The following TIAM1 variants were observed in gnomAD, a reference collection of about 807,000 sequenced individuals.
The protein encoded by TIAM1 is TIAM Rac1 associated GEF 1.
A neutral mutation model predicts 163.5 loss-of-function variants in TIAM1; 65 were observed. That is an observed-to-expected ratio of 0.40 (90% CI 0.33 to 0.49). The LOEUF (loss-of-function observed/expected upper bound fraction) is 0.49, where lower values mean the gene tolerates loss of function less well. Among genes scored for constraint, TIAM1 ranks in the 20% least tolerant of loss-of-function variants. TIAM1 has a pLI of 0.77. For missense variants in TIAM1, 1,789 were observed against 2,044.7 expected, an observed-to-expected ratio of 0.87 and a Z score of 2.41; for synonymous variants, 833 against 810.1, an observed-to-expected ratio of 1.03 and a Z score of -0.48.
chr21:31,384,079 A>G, intron 2 of TIAM1, among the ~76,000 whole-genome samples: 1 of 152,136 alleles, frequency 6.6e-6, no homozygotes, highest in East Asian at 1.9e-4. Flanking sequence ...GCTGACGACC[A>G]TATTCTTGTA....
intron 16 of TIAM1, among the ~76,000 whole-genome samples, chr21:31,163,144 T>C (rs1415156369): frequency 6.6e-6 from 1 of 152,196 alleles, no homozygotes; most frequent in Non-Finnish European, 1.5e-5. Context: ...CCAATACTTT[T>C]TAAGTGTTCA....
chr21:31,367,510 G>A (rs1338393360), intron 2 of TIAM1, among the ~76,000 whole-genome samples: 2 of 152,024 alleles, frequency 1.3e-5, no homozygotes, highest in Admixed American at 6.6e-5. Flanking sequence ...CATAGCAACT[G>A]AACTTGAATA....
At chr21:31,142,973 G>GT (rs1432790480) in intron 20 of TIAM1, among the ~76,000 whole-genome samples, 5 of 152,174 alleles carry the variant, frequency 3.3e-5, no homozygotes, top group Non-Finnish European at 7.4e-5. Context: ...GGAATGTCAG[G>GT]GGAGGGCAAA....
At chr21:31,219,316 G>T (rs1354228228) in intron 8 of TIAM1, among the ~76,000 whole-genome samples, 1 of 152,182 alleles carries the variant, frequency 6.6e-6, no homozygotes, top group Admixed American at 6.5e-5. Context: ...TTTCAAAAAA[G>T]GGAGTGGCAG....
chr21:31,128,797 T>C (rs1003333553), intron 25 of TIAM1, among the ~76,000 whole-genome samples: 4 of 152,218 alleles, frequency 2.6e-5, no homozygotes, highest in African/African-American at 9.6e-5. Flanking sequence ...CATTTGAGTT[T>C]TCCTACTGTA....
At position 31,141,764 on chromosome 21, in the gene TIAM1, G is replaced by A. The variant is rs1014450091; in HGVS notation, c.3476-260C>T. On this transcript the variant is annotated intron_variant, in intron 20 of 27. Coordinates refer to ENST00000541036, the MANE Select transcript of TIAM1 (RefSeq NM_001353694.2). This position sits in a 1 kb window ranked among gnomAD's most constrained non-coding sequence, Gnocchi z 4.7. The stretch of plus-strand genomic sequence containing the variant: ...GACGGAGTGTAGACTGCAGACACCC[G>A]GATTTCCAGCGGCTGCTCTTTATCC... Among the ~76,000 whole-genome samples, 2 of 152,000 alleles carry A rather than the reference G, an allele frequency of 1.3e-5. No individual in the cohort carries two copies. Among genetic ancestry groups the A allele is most frequent in the East Asian group, 1.9e-4 (1 of 5,178 alleles).
intron 4 of TIAM1, among the ~76,000 whole-genome samples, chr21:31,259,687 A>G (rs2072341816): frequency 6.6e-6 from 1 of 151,834 alleles, no homozygotes; most frequent in Non-Finnish European, 1.5e-5. Flanking sequence ...ATTAGCATAA[A>G]TGACCAGCTC....
At chr21:31,394,720 TCTCTCTCTCACACACACA>T (rs1481118339) in intron 2 of TIAM1, among the ~76,000 whole-genome samples, 1 of 123,282 alleles carries the variant, frequency 8.1e-6, no homozygotes, top group African/African-American at 3.2e-5. Flanking sequence ...TCTCTCTCTC[TCTCTCTCTCACACACACA>T]CACACACACA....
intron 2 of TIAM1, among the ~76,000 whole-genome samples, chr21:31,461,102 A>C (rs912553873): frequency 6.6e-6 from 1 of 152,246 alleles, no homozygotes; most frequent in African/African-American, 2.4e-5. Flanking sequence ...CCAAACACAG[A>C]TAAAACAAAC....
intron 11 of TIAM1, among the ~76,000 whole-genome samples, chr21:31,204,495 G>A (rs2086353772): frequency 6.6e-6 from 1 of 152,134 alleles, no homozygotes; most frequent in Non-Finnish European, 1.5e-5. Context: ...AACTGGTTCA[G>A]TACTCTTTCT....
intron 5 of TIAM1, among the ~76,000 whole-genome samples, chr21:31,250,014 C>T (rs2071704857): frequency 6.6e-6 from 1 of 151,862 alleles, no homozygotes; most frequent in East Asian, 1.9e-4. Context: ...GGCATGGTGG[C>T]ACATGCCTGT....
At chr21:31,134,752 C>A (rs1224055690) in intron 23 of TIAM1, among the ~76,000 whole-genome samples, 3 of 152,170 alleles carry the variant, frequency 2.0e-5, no homozygotes, top group Non-Finnish European at 4.4e-5. Context: ...CTCAAGTGAT[C>A]CGTCCACCTT....
intron 1 of TIAM1, among the ~76,000 whole-genome samples, chr21:31,342,507 A>G (rs1312416292): frequency 6.6e-6 from 1 of 152,250 alleles, no homozygotes; most frequent in African/African-American, 2.4e-5. Context: ...CCTTTGCTCT[A>G]TGAACAATGC....
chr21:31,445,092 C>T (rs1234141342), intron 2 of TIAM1, among the ~76,000 whole-genome samples: 1 of 152,030 alleles, frequency 6.6e-6, no homozygotes, highest in East Asian at 1.9e-4. Context: ...ATTTTATGAC[C>T]AGTAACAAGT....
intron 2 of TIAM1, among the ~76,000 whole-genome samples, chr21:31,364,354 G>A (rs1425536622): frequency 6.6e-6 from 1 of 152,158 alleles, no homozygotes; most frequent in Non-Finnish European, 1.5e-5. Context: ...CTTAATGAAT[G>A]AGGCACCATT....
Position 31,119,077 on chromosome 21 carries a change from T to TG in TIAM1, c.*1290dup, listed in dbSNP as rs935179327. ...TTCTTAGGAAGTGGACATTGTGACA[T>TG]GGGAAAAGAAAAAGCTATAAACCTT... On this transcript the variant is annotated 3_prime_UTR_variant, in exon 28 of 28. Coordinates refer to ENST00000541036, the MANE Select transcript of TIAM1 (RefSeq NM_001353694.2). 3.3e-4 allele frequency: 49 copies of TG among 149,736 alleles called. No individual in the cohort carries two copies. The highest frequency in any genetic ancestry group is 1.2e-3 in the African/African-American group (48 of 39,788). 9.3% of individuals were successfully genotyped at this position (149,736 alleles called of 1,614,324 possible).
intron 1 of TIAM1, among the ~76,000 whole-genome samples, chr21:31,512,481 C>A (rs935255312): frequency 6.6e-5 from 10 of 152,170 alleles, no homozygotes; most frequent in African/African-American, 2.4e-4. Flanking sequence ...ACTACGGACA[C>A]AGCCCTCTGC....
At chr21:31,398,877 A>G (rs2077117753) in intron 2 of TIAM1, among the ~76,000 whole-genome samples, 1 of 152,218 alleles carries the variant, frequency 6.6e-6, no homozygotes, top group African/African-American at 2.4e-5. Flanking sequence ...TTCTCAAACT[A>G]TTAAAAATAG....
At chr21:31,308,917 G>A (rs915632803) in intron 2 of TIAM1, among the ~76,000 whole-genome samples, 2 of 152,120 alleles carry the variant, frequency 1.3e-5, no homozygotes, top group Non-Finnish European at 2.9e-5. Context: ...GGGAGTTGGG[G>A]GGGTTAGTGC....
Sources: allele counts gnomAD v4.1 joint callset (sites outside exome capture counted in the v4.1 genomes callset), GRCh38; gene constraint gnomAD v4.1.1; non-coding constraint Gnocchi (gnomAD v3.1); transcripts MANE v1.5; gene names NCBI Gene and HGNC (gene_info 2026-07-23, HGNC 2026-07-21).